The following ITPRID1 variants were observed in gnomAD, a reference collection of about 807,000 sequenced individuals.
ITPRID1 encodes protein ITPRID1.
A neutral mutation model predicts 95.4 loss-of-function variants in ITPRID1; 96 were observed. That is an observed-to-expected ratio of 1.01 (90% CI 0.85 to 1.19). The LOEUF (loss-of-function observed/expected upper bound fraction) is 1.19, where lower values mean the gene tolerates loss of function less well. ITPRID1 is among the 50% of genes most tolerant of loss of function. The probability of loss-of-function intolerance (pLI) is 0.00; values close to 1 mark genes in which losing one functional copy is unlikely to be tolerated. For missense variants in ITPRID1, 1,339 were observed against 1,252.9 expected, an observed-to-expected ratio of 1.07 and a Z score of -1.04; for synonymous variants, 510 against 453.6, an observed-to-expected ratio of 1.12 and a Z score of -1.58.
At chr7:31,592,450 G>T (rs1269388261) in intron 10 of ITPRID1, among the ~76,000 whole-genome samples, 1 of 152,148 alleles carries the variant, frequency 6.6e-6, no homozygotes, top group Non-Finnish European at 1.5e-5. Flanking sequence ...CATTCAAGTT[G>T]ATTAAGATGT....
chr7:31,658,296 TC>T, downstream of ITPRID1: 2 of 1,496,620 alleles, frequency 1.3e-6, no homozygotes, highest in Non-Finnish European at 1.8e-6. Flanking sequence ...CAGAGCTGGA[TC>T]CCTTTTTTTT....
At chr7:31,592,874 G>A (rs1421790460) in intron 10 of ITPRID1, among the ~76,000 whole-genome samples, 2 of 152,172 alleles carry the variant, frequency 1.3e-5, no homozygotes, top group African/African-American at 2.4e-5. Context: ...TTGTGAAAGG[G>A]TGGACCTAGA....
intron 1 of ITPRID1, chr7:31,529,648 A>T: frequency 2.4e-6 from 2 of 824,188 alleles, no homozygotes; most frequent in Non-Finnish European, 3.7e-6. Flanking sequence ...ACCAACTTTT[A>T]AATAGGAGCA....
At chr7:31,622,292 C>A (rs1198429767) in intron 10 of ITPRID1, among the ~76,000 whole-genome samples, 1 of 106,330 alleles carries the variant, frequency 9.4e-6, no homozygotes, top group African/African-American at 3.3e-5. Context: ...CCCAAATCAA[C>A]AGAATATACA....
chr7:31,531,578 G>A (rs10276779), intron 1 of ITPRID1, among the ~76,000 whole-genome samples: 88,599 of 151,880 alleles, frequency 0.58, 26,906 homozygotes, highest in Middle Eastern at 0.71. Flanking sequence ...ATGAAGCTGC[G>A]AAAATAAAAT....
intron 5 of ITPRID1, among the ~76,000 whole-genome samples, chr7:31,567,380 A>C (rs1357878213): frequency 6.6e-6 from 1 of 152,200 alleles, no homozygotes; most frequent in Non-Finnish European, 1.5e-5. Flanking sequence ...ATTCTAAACA[A>C]AGGATAGTAA....
chr7:31,634,688 G>T (rs1022248948), intron 10 of ITPRID1, among the ~76,000 whole-genome samples: 10 of 152,146 alleles, frequency 6.6e-5, no homozygotes, highest in Admixed American at 1.3e-4. Context: ...GTCTAAGGAG[G>T]CATGAAAAAA....
intron 10 of ITPRID1, among the ~76,000 whole-genome samples, chr7:31,609,056 C>T (rs1422098861): frequency 6.6e-6 from 1 of 151,532 alleles, no homozygotes; most frequent in African/African-American, 2.4e-5. Context: ...TTGTCAAATG[C>T]TTTTTTGGCA....
chr7:31,521,689 C>T (rs924135781), intron 1 of ITPRID1, among the ~76,000 whole-genome samples: 3 of 111,290 alleles, frequency 2.7e-5, no homozygotes, highest in African/African-American at 1.0e-4. Flanking sequence ...CTTCCTTCCT[C>T]CTTTATTCCC....
intron 10 of ITPRID1, among the ~76,000 whole-genome samples, chr7:31,635,379 C>A (rs538932652): frequency 5.3e-4 from 81 of 152,280 alleles, no homozygotes; most frequent in Admixed American, 2.7e-3. Context: ...GACATGCAGG[C>A]ATTTCACTTC....
In ITPRID1 at chr7:31,643,673, G is replaced by T; in HGVS notation, c.2303G>T (p.Ser768Ile). The stretch of plus-strand genomic sequence containing the variant: ...GCTTCCATTCAGACTTCAGCTCTAA[G>T]CAACAAGACCTTGACACATGGGCCC... ...NDASIQTSAL[S>I]NKTLTHGPQP... Residue 768 changes from serine to isoleucine, a missense_variant, in exon 12 of 15, where the codon AGC (serine) becomes ATC (isoleucine). Coordinates refer to ENST00000615280, the MANE Select transcript of ITPRID1 (RefSeq NM_001257967.3). The T allele has an allele frequency of 6.2e-7, 1 of 1,614,040 alleles. No homozygotes were observed. Among genetic ancestry groups the T allele is most frequent in the South Asian group, 1.1e-5 (1 of 91,086 alleles).
chr7:31,556,513 C>A (rs1234999756), intron 5 of ITPRID1, among the ~76,000 whole-genome samples: 1 of 152,052 alleles, frequency 6.6e-6, no homozygotes, highest in Non-Finnish European at 1.5e-5. Flanking sequence ...GCCTGGCCTT[C>A]TATTAATATC....
chr7:31,595,498 G>T (rs1786050514), intron 10 of ITPRID1, among the ~76,000 whole-genome samples: 1 of 152,044 alleles, frequency 6.6e-6, no homozygotes, highest in African/African-American at 2.4e-5. Flanking sequence ...AGTACTTGGG[G>T]GCTGGGTCCT....
Position 31,578,116 on chromosome 7 carries a change from T to C in ITPRID1, c.852T>C (p.Phe284=). The C allele has an allele frequency of 6.2e-7, 1 of 1,613,746 alleles. No homozygotes were observed. The highest frequency in any genetic ancestry group is 8.5e-7 in the Non-Finnish European group (1 of 1,179,808). Residue 284 remains phenylalanine (F), a synonymous_variant, in exon 9 of 15, where the codon TTT becomes TTC. Coordinates refer to ENST00000615280, the MANE Select transcript of ITPRID1 (RefSeq NM_001257967.3). The part of the protein sequence containing the change: ...SESFKVKDEV[F]VPFTKPWDCG... ...CCTTCAAGGTGAAGGATGAAGTTTT[T>C]GTTCCCTTTACAAAACCATGGGATT... is the stretch of plus-strand genomic sequence containing the variant.
chr7:31,616,345 A>G (rs996081455), intron 10 of ITPRID1, among the ~76,000 whole-genome samples: 3 of 152,062 alleles, frequency 2.0e-5, no homozygotes, highest in African/African-American at 7.3e-5. Flanking sequence ...ATTGGGTCCT[A>G]TTGATTTCAA....
intron 7 of ITPRID1, among the ~76,000 whole-genome samples, chr7:31,572,776 A>G (rs1362029107): frequency 6.6e-6 from 1 of 152,210 alleles, no homozygotes; most frequent in Non-Finnish European, 1.5e-5. Context: ...TATTTTCATG[A>G]TGATATGAAA....
At chr7:31,517,438 A>G (rs1783080910) in intron 1 of ITPRID1, 1 of 152,356 alleles carries the variant, frequency 6.6e-6, no homozygotes, top group Non-Finnish European at 1.5e-5. Context: ...TAGCCTGGGC[A>G]TTCCCACAGC....
At chr7:31,526,169 CTG>C (rs764363435) in intron 1 of ITPRID1, among the ~76,000 whole-genome samples, 1 of 152,208 alleles carries the variant, frequency 6.6e-6, no homozygotes, top group Non-Finnish European at 1.5e-5. Context: ...TGTTGGAAAA[CTG>C]AGAGAGATTC....
chr7:31,536,774 G>C (rs1049006874), intron 1 of ITPRID1, among the ~76,000 whole-genome samples: 1 of 151,954 alleles, frequency 6.6e-6, no homozygotes, highest in Non-Finnish European at 1.5e-5. Flanking sequence ...CCTTTATCAG[G>C]GGCTGGGATT....
Sources: allele counts gnomAD v4.1 joint callset (sites outside exome capture counted in the v4.1 genomes callset), GRCh38; gene constraint gnomAD v4.1.1; transcripts MANE v1.5; gene names NCBI Gene and HGNC (gene_info 2026-07-23, HGNC 2026-07-21).